Variants in TEX2 observed in about 807,000 individuals in gnomAD.
TEX2 encodes the protein testis-expressed protein 2.
Under a neutral mutation model 106.9 loss-of-function variants are expected in TEX2, and 53 were observed. That is an observed-to-expected ratio of 0.50 (90% CI 0.40 to 0.62). The LOEUF (loss-of-function observed/expected upper bound fraction) is 0.62, where lower values mean the gene tolerates loss of function less well. TEX2 is among the 20% of genes least tolerant of loss of function. The pLI is 0.00. For missense variants in TEX2, 1,207 were observed against 1,379.0 expected (o/e 0.88, Z 1.98); for synonymous variants, 523 against 534.8 (o/e 0.98, Z 0.30).
intron 7 of TEX2, 112 bp from the exon 8 acceptor site, chr17:64,161,045 T>C (rs1005751981): frequency 1.8e-5 from 21 of 1,161,524 alleles, no homozygotes; most frequent in Non-Finnish European, 2.6e-5. Flanking sequence ...AGTCCATGTA[T>C]CGTCTACTAC....
intron 4 of TEX2, among the ~76,000 whole-genome samples, chr17:64,190,503 G>A (rs28630436): frequency 0.011 from 1,678 of 152,254 alleles, 29 homozygotes; most frequent in African/African-American, 0.037. Context: ...AACCCCCTAC[G>A]AGGCCTGGCT....
chr17:64,154,726 A>C lies in TEX2; in HGVS notation c.2930+116T>G, dbSNP rs2030529479. 6 of 1,269,848 alleles carry C rather than the reference A, an allele frequency of 4.7e-6. No individual in the cohort carries two copies. The South Asian group carries it at 1.1e-4, about 23-fold the overall frequency. 78.7% of individuals were successfully genotyped at this position (1,269,848 alleles called of 1,614,324 possible). A position where few individuals can be genotyped will look rare whatever the true frequency, so the allele number is the denominator to read the frequency against. ...TGGGATATTAATAAAAAAACCATCT[A>C]CTCAACATTAAAGAGGAAGGAAGAT... On this transcript the variant is annotated intron_variant, in intron 9 of 11. Coordinates refer to ENST00000584379, the MANE Select transcript of TEX2 (RefSeq NM_001288732.2).
intron 5 of TEX2, among the ~76,000 whole-genome samples, chr17:64,179,129 A>C (rs919845848): frequency 6.6e-6 from 1 of 152,218 alleles, no homozygotes; most frequent in Non-Finnish European, 1.5e-5. Context: ...GACTTGGAGA[A>C]ATTTTCTTAC....
chr17:64,243,730 T>C (rs1361654099), intron 1 of TEX2, among the ~76,000 whole-genome samples: 1 of 152,168 alleles, frequency 6.6e-6, no homozygotes, highest in Non-Finnish European at 1.5e-5. Context: ...TGTGTACATG[T>C]GCGGATTTCT....
chr17:64,166,101 G>A (rs185832917), intron 7 of TEX2, among the ~76,000 whole-genome samples: 29 of 152,286 alleles, frequency 1.9e-4, no homozygotes, highest in African/African-American at 5.8e-4. Context: ...TTCTGAAACC[G>A]CTGGACTCAG....
intron 2 of TEX2, among the ~76,000 whole-genome samples, chr17:64,208,671 C>A (rs2032912908): frequency 6.6e-6 from 1 of 152,164 alleles, no homozygotes; most frequent in African/African-American, 2.4e-5. Flanking sequence ...GTCACCCAGG[C>A]TGGAGTGCAG....
intron 1 of TEX2, among the ~76,000 whole-genome samples, chr17:64,240,680 A>G (rs1206036588): frequency 1.3e-5 from 2 of 152,220 alleles, no homozygotes; most frequent in East Asian, 1.9e-4. Flanking sequence ...AATTCCTGGC[A>G]TAAGTGTCTG....
chr17:64,251,236 G>C (rs1385891218), intron 1 of TEX2, among the ~76,000 whole-genome samples: 2 of 152,126 alleles, frequency 1.3e-5, no homozygotes, highest in Non-Finnish European at 2.9e-5. Flanking sequence ...CTCCCTTAAT[G>C]GTGTTCCCAA....
intron 8 of TEX2, among the ~76,000 whole-genome samples, chr17:64,158,884 C>T (rs1347581772): frequency 6.6e-6 from 1 of 152,166 alleles, no homozygotes; most frequent in Non-Finnish European, 1.5e-5. Context: ...TGATAGCCAA[C>T]TACACATCAA....
rs558164974 is a variant in TEX2 at position 64,168,776 on chromosome 17, C to T, written c.2671+2324G>A. Among the ~76,000 whole-genome samples, 8 of 152,200 alleles carry T rather than the reference C, an allele frequency of 5.3e-5. 1 individual carries two copies. In the South Asian group the frequency reaches 1.7e-3, roughly 32 times the overall value. ...GCTGATCATTCACCAGCTTCTTATACATTTCTAAAGAGGCAAAGAGCAAAA... is the reference window on the plus strand; with the variant it reads ...GCTGATCATTCACCAGCTTCTTATATATTTCTAAAGAGGCAAAGAGCAAAA... On this transcript the variant is annotated intron_variant, in intron 7 of 11. Transcript: ENST00000584379.
chr17:64,202,560 T>C (rs1326396262), intron 2 of TEX2, among the ~76,000 whole-genome samples: 1 of 152,188 alleles, frequency 6.6e-6, no homozygotes, highest in Non-Finnish European at 1.5e-5. Flanking sequence ...ATTTCAGCAA[T>C]TGTCGAATCT....
intron 6 of TEX2, among the ~76,000 whole-genome samples, chr17:64,173,916 G>T (rs1049305003): frequency 6.6e-6 from 1 of 152,086 alleles, no homozygotes; most frequent in Non-Finnish European, 1.5e-5. Flanking sequence ...TGCAATCATG[G>T]CTCACTGAAG....
At position 64,195,132 on chromosome 17, in the gene TEX2, A is replaced by C. The variant is rs185495144; in HGVS notation, c.1645-37T>G. 177 of 1,580,874 alleles carry C rather than the reference A, an allele frequency of 1.1e-4. No individual in the cohort carries two copies. The African/African-American group carries it at 2.0e-3, about 18-fold the overall frequency. ...AAACTTCCATTAGTAATATCAGAAT[A>C]ATCGCAAATCTGATTTAGTGTGAAA... is the stretch of plus-strand genomic sequence containing the variant. On this transcript the variant is annotated intron_variant, in intron 2 of 11. Transcript: ENST00000584379. This position sits in a 1 kb window ranked among gnomAD's most constrained non-coding sequence, Gnocchi z 4.1.
intron 1 of TEX2, among the ~76,000 whole-genome samples, chr17:64,233,953 C>T (rs1555634865): frequency 1.3e-5 from 2 of 152,312 alleles, no homozygotes. Context: ...GTCCTAACCC[C>T]CCAACTCAGA....
chr17:64,166,727 C>T (rs896469426), intron 7 of TEX2, among the ~76,000 whole-genome samples: 1 of 152,198 alleles, frequency 6.6e-6, no homozygotes, highest in African/African-American at 2.4e-5. Flanking sequence ...TTCCTTTTTA[C>T]CTTTCCTGAA....
Position 64,148,468 on chromosome 17 carries a change from G to A in TEX2, c.*501C>T, listed in dbSNP as rs187107544. 4.6e-5 allele frequency: 7 copies of A among 153,790 alleles called. No homozygotes were observed. Among genetic ancestry groups the A allele is most frequent in the African/African-American group, 7.2e-5 (3 of 41,560 alleles). The allele number at this position is 153,790 out of a possible 1,614,324, so 9.5% of individuals were successfully genotyped here. On this transcript the variant is annotated 3_prime_UTR_variant, in exon 12 of 12. Transcript: ENST00000584379. ...TGCTCTGCCCATCTCTTCTGTCACC[G>A]AAATGAAAAGGCTCACAGAATTCCT...
intron 5 of TEX2, among the ~76,000 whole-genome samples, chr17:64,181,346 C>T (rs1030537026): frequency 1.3e-5 from 2 of 151,640 alleles, no homozygotes; most frequent in Non-Finnish European, 2.9e-5. Context: ...TGTGGTGGTG[C>T]GTGCCTATAG....
chr17:64,191,112 C>T (rs550238266), intron 4 of TEX2, among the ~76,000 whole-genome samples: 1 of 152,254 alleles, frequency 6.6e-6, no homozygotes, highest in Admixed American at 6.5e-5. Flanking sequence ...CCATAAATAT[C>T]TCAATTCATA....
chr17:64,169,402 T>G (rs1254482859), intron 7 of TEX2, among the ~76,000 whole-genome samples: 1 of 152,214 alleles, frequency 6.6e-6, no homozygotes. Flanking sequence ...TGCCAAGAAT[T>G]GAAAGGTTTT....
Sources: allele counts gnomAD v4.1 joint callset (sites outside exome capture counted in the v4.1 genomes callset), GRCh38; gene constraint gnomAD v4.1.1; non-coding constraint Gnocchi (gnomAD v3.1); transcripts MANE v1.5; gene names NCBI Gene and HGNC (gene_info 2026-07-23, HGNC 2026-07-21).